The following VEPH1 variants were observed in gnomAD, a reference collection of about 807,000 sequenced individuals.
VEPH1 encodes the protein ventricular zone expressed PH domain containing 1, also known as ventricular zone-expressed PH domain-containing protein homolog 1.
A neutral mutation model predicts 85.2 loss-of-function variants in VEPH1; 80 were observed. That is an observed-to-expected ratio of 0.94 (90% CI 0.78 to 1.13). The LOEUF is 1.13. Among genes scored for constraint, VEPH1 ranks in the 50% most tolerant of loss-of-function variants. VEPH1 has a pLI of 0.00. For synonymous variants in VEPH1, 297 were observed against 348.0 expected (o/e 0.85, Z 1.63); for missense variants, 955 against 980.5 (o/e 0.97, Z 0.35).
chr3:157,313,780 CAG>C, intron 10 of VEPH1, 25 bp from the exon 11 acceptor site: 1 of 1,613,544 alleles, frequency 6.2e-7, no homozygotes, highest in Non-Finnish European at 8.5e-7. Flanking sequence ...AAGACAGAAA[CAG>C]AATATACTAT....
At chr3:157,270,046 G>A (rs1714338141) in intron 12 of VEPH1, among the ~76,000 whole-genome samples, 1 of 151,960 alleles carries the variant, frequency 6.6e-6, no homozygotes, top group Non-Finnish European at 1.5e-5. Flanking sequence ...TTGAGACCAG[G>A]AGTTTGTGAC....
intron 7 of VEPH1, among the ~76,000 whole-genome samples, chr3:157,373,840 T>G (rs1727781607): frequency 6.6e-6 from 1 of 152,162 alleles, no homozygotes; most frequent in East Asian, 1.9e-4. Context: ...CCCATGAAGC[T>G]GATATTACAT....
intron 9 of VEPH1, among the ~76,000 whole-genome samples, chr3:157,344,907 C>G (rs929333889): frequency 6.7e-6 from 1 of 149,710 alleles, no homozygotes; most frequent in Non-Finnish European, 1.5e-5. Flanking sequence ...ACAAACCTGA[C>G]AAAAACCAGA....
intron 4 of VEPH1, among the ~76,000 whole-genome samples, chr3:157,450,048 C>CTTTTTTTTTTTTTTTTTTTTTT (rs761761440): frequency 1.3e-5 from 1 of 77,324 alleles, no homozygotes; most frequent in African/African-American, 4.8e-5. Context: ...AGAATATTTA[C>CTTTTTTTTTTTTTTTTTTTTTT]TTTTTTTTTT....
At chr3:157,310,912 G>A (rs1353251774) in intron 11 of VEPH1, among the ~76,000 whole-genome samples, 1 of 152,168 alleles carries the variant, frequency 6.6e-6, no homozygotes, top group South Asian at 2.1e-4. Context: ...TGGGCCCAGA[G>A]GAGGGAAGTA....
At chr3:157,334,877 G>C (rs1722817972) in intron 9 of VEPH1, among the ~76,000 whole-genome samples, 1 of 152,148 alleles carries the variant, frequency 6.6e-6, no homozygotes, top group Non-Finnish European at 1.5e-5. Flanking sequence ...AGGCAGTGTG[G>C]GATAAAGAAG....
intron 6 of VEPH1, among the ~76,000 whole-genome samples, chr3:157,393,905 C>G (rs1404594134): frequency 6.6e-6 from 1 of 152,172 alleles, no homozygotes; most frequent in East Asian, 1.9e-4. Context: ...TTGTTCAGAG[C>G]TTGAGATATT....
At chr3:157,465,210 C>T (rs1360252196) in intron 3 of VEPH1, among the ~76,000 whole-genome samples, 1 of 152,166 alleles carries the variant, frequency 6.6e-6, no homozygotes, top group African/African-American at 2.4e-5. Context: ...ATTATTTGAG[C>T]ACCTACTATA....
rs143535923 is a variant in VEPH1 at position 157,491,133 on chromosome 3, T to C, written c.138+4079A>G. The stretch of plus-strand genomic sequence containing the variant: ...ATAGCTAAATACCACAAGGAGGATA[T>C]TGGTTACCTTGGGAGGCATGAGGGA... On this transcript the variant is annotated intron_variant, in intron 2 of 13. Transcript: ENST00000362010. 4.3e-3 allele frequency among the ~76,000 whole-genome samples: 658 copies of C among 152,264 alleles called. 5 individuals are homozygous for C. Among genetic ancestry groups the C allele is most frequent in the African/African-American group, 0.015 (613 of 41,570 alleles).
chr3:157,327,543 A>C (rs1278507699), intron 9 of VEPH1, among the ~76,000 whole-genome samples: 1 of 152,216 alleles, frequency 6.6e-6, no homozygotes, highest in Non-Finnish European at 1.5e-5. Context: ...ACAGTGAAGA[A>C]GACGACTCAG....
At chr3:157,437,663 G>A in intron 4 of VEPH1, 2 of 1,541,142 alleles carry the variant, frequency 1.3e-6, no homozygotes, top group Admixed American at 2.0e-5. Flanking sequence ...GAGCTGGGCC[G>A]GCTCGCGGAA....
chr3:157,408,241 G>C (rs1322908347), intron 6 of VEPH1, among the ~76,000 whole-genome samples: 1 of 151,874 alleles, frequency 6.6e-6, no homozygotes, highest in Non-Finnish European at 1.5e-5. Context: ...GATGGCCTTG[G>C]CTCATCACAT....
intron 9 of VEPH1, among the ~76,000 whole-genome samples, chr3:157,343,522 G>C (rs887401970): frequency 6.6e-6 from 1 of 152,162 alleles, no homozygotes; most frequent in African/African-American, 2.4e-5. Flanking sequence ...CTCTGAAATT[G>C]AGGCAATAAT....
chr3:157,295,525 C>T (rs1718013656), intron 11 of VEPH1, among the ~76,000 whole-genome samples: 1 of 152,116 alleles, frequency 6.6e-6, no homozygotes, highest in African/African-American at 2.4e-5. Flanking sequence ...CTACTATGGA[C>T]TTAGAGAGAA....
chr3:157,498,326 A>T (rs1739839112), intron 1 of VEPH1, among the ~76,000 whole-genome samples: 1 of 152,174 alleles, frequency 6.6e-6, no homozygotes, highest in Non-Finnish European at 1.5e-5. Flanking sequence ...CGTCTATTTC[A>T]TCAGGGTGTT....
intron 9 of VEPH1, among the ~76,000 whole-genome samples, chr3:157,357,904 T>C (rs920827191): frequency 6.6e-6 from 1 of 152,230 alleles, no homozygotes; most frequent in Non-Finnish European, 1.5e-5. Context: ...AATAAAGTTA[T>C]GTTATGTCTT....
chr3:157,465,827 T>G (rs1043335919), intron 3 of VEPH1, among the ~76,000 whole-genome samples: 17 of 152,156 alleles, frequency 1.1e-4, no homozygotes, highest in Non-Finnish European at 1.9e-4. Flanking sequence ...GATTATTCTA[T>G]TACCCCTGTT....
At chr3:157,373,675 A>G (rs1289152697) in intron 7 of VEPH1, among the ~76,000 whole-genome samples, 2 of 152,146 alleles carry the variant, frequency 1.3e-5, no homozygotes, top group African/African-American at 4.8e-5. Flanking sequence ...TTCTCCCACA[A>G]ACACCCTTTT....
chr3:157,371,099 G>C (rs959970591), intron 7 of VEPH1, among the ~76,000 whole-genome samples: 1 of 152,146 alleles, frequency 6.6e-6, no homozygotes, highest in African/African-American at 2.4e-5. Context: ...GGAGGTTTGC[G>C]CAAGTGTTAC....
Sources: allele counts gnomAD v4.1 joint callset (sites outside exome capture counted in the v4.1 genomes callset), GRCh38; gene constraint gnomAD v4.1.1; transcripts MANE v1.5; gene names NCBI Gene and HGNC (gene_info 2026-07-23, HGNC 2026-07-21).